PALM2AKAP2: variants seen among roughly 807,000 people sequenced by gnomAD.
PALM2AKAP2 encodes PALM2-AKAP2 fusion protein.
A neutral mutation model predicts 71.5 loss-of-function variants in PALM2AKAP2; 37 were observed. The ratio of observed to expected loss-of-function variants is 0.52; its 90% CI spans 0.40 to 0.68. The LOEUF is 0.68. Among genes scored for constraint, PALM2AKAP2 ranks in the 30% least tolerant of loss-of-function variants. The pLI, the probability that PALM2AKAP2 is intolerant of heterozygous loss-of-function variation, is 0.00. For missense variants in PALM2AKAP2, 1,224 were observed against 1,191.8 expected (o/e 1.03, Z -0.40); for synonymous variants, 468 against 478.8 (o/e 0.98, Z 0.29).
chr9:110,049,163 C>T (rs969621080), intron 1 of PALM2AKAP2, among the ~76,000 whole-genome samples: 23 of 152,144 alleles, frequency 1.5e-4, no homozygotes, highest in African/African-American at 5.1e-4. Flanking sequence ...CCGCTTCTCC[C>T]TGTATACACA....
chr9:110,025,898 C>G (rs949113043), intron 7 of PALM2AKAP2, among the ~76,000 whole-genome samples: 2 of 152,066 alleles, frequency 1.3e-5, no homozygotes, highest in African/African-American at 4.8e-5. Context: ...TTGAAGCACT[C>G]TCTCATTGCA....
intron 1 of PALM2AKAP2, among the ~76,000 whole-genome samples, chr9:110,065,734 G>A (rs551141301): frequency 4.2e-4 from 64 of 152,144 alleles, no homozygotes; most frequent in African/African-American, 1.2e-3. Context: ...CCAGCTCTTG[G>A]CAACCACCAT....
At chr9:109,756,631 G>T (rs1419963062) in intron 1 of PALM2AKAP2, among the ~76,000 whole-genome samples, 4 of 152,128 alleles carry the variant, frequency 2.6e-5, no homozygotes, top group Non-Finnish European at 4.4e-5. Flanking sequence ...AATCCATGTG[G>T]AGTTTATCTG....
At chr9:110,017,886 C>T (rs1480914846) in intron 7 of PALM2AKAP2, among the ~76,000 whole-genome samples, 1 of 152,078 alleles carries the variant, frequency 6.6e-6, no homozygotes, top group African/African-American at 2.4e-5. Context: ...GGACACAATG[C>T]CCGGCTAGTT....
chr9:109,953,600 G>A (rs1219383780), intron 6 of PALM2AKAP2, among the ~76,000 whole-genome samples: 1 of 152,144 alleles, frequency 6.6e-6, no homozygotes, highest in Non-Finnish European at 1.5e-5. Flanking sequence ...CACTTTGGGA[G>A]GCTGAGGCAG....
In PALM2AKAP2 at chr9:109,850,069, G is replaced by C. The variant is rs77848105; in HGVS notation, c.46-17422G>C. ...GGTTTCACGGGCCCTCAGTAGAACTGATTTCCTCTCCTTGTCTCAGGTTGT... is the reference window on the plus strand; with the variant it reads ...GGTTTCACGGGCCCTCAGTAGAACTCATTTCCTCTCCTTGTCTCAGGTTGT... On this transcript the variant is annotated intron_variant, in intron 1 of 9. Coordinates refer to the PALM2AKAP2 transcript ENST00000302798. 9.6e-3 allele frequency among the ~76,000 whole-genome samples: 1,460 copies of C among 152,282 alleles called. 22 individuals carry two copies. Among genetic ancestry groups the C allele is most frequent in the African/African-American group, 0.034 (1,394 of 41,566 alleles).
chr9:110,071,587 ACTC>A (rs1311549522), intron 1 of PALM2AKAP2, among the ~76,000 whole-genome samples: 7 of 151,430 alleles, frequency 4.6e-5, no homozygotes, highest in African/African-American at 1.7e-4. Context: ...GTCCTCTGTA[ACTC>A]CTCCTTCTTT....
chr9:110,154,545 G>A (rs557694020), intron 2 of PALM2AKAP2, among the ~76,000 whole-genome samples: 1 of 152,294 alleles, frequency 6.6e-6, no homozygotes, highest in African/African-American at 2.4e-5. Flanking sequence ...TACTCTGGGT[G>A]ATGTTTATAA....
At chr9:109,647,379 GT>G (rs1165310067) in intron 1 of PALM2AKAP2, among the ~76,000 whole-genome samples, 6 of 152,100 alleles carry the variant, frequency 3.9e-5, no homozygotes, top group African/African-American at 1.2e-4. Flanking sequence ...AGTTAGACTT[GT>G]TTCCACTTTT....
At chr9:110,100,109 A>T (rs1229934318) in intron 1 of PALM2AKAP2, among the ~76,000 whole-genome samples, 3 of 142,382 alleles carry the variant, frequency 2.1e-5, no homozygotes, top group African/African-American at 5.1e-5. Context: ...TCAAGTTGAG[A>T]ATGGGAGAAT....
At chr9:110,077,078 T>C (rs1834339551) in intron 1 of PALM2AKAP2, among the ~76,000 whole-genome samples, 1 of 152,216 alleles carries the variant, frequency 6.6e-6, no homozygotes, top group Non-Finnish European at 1.5e-5. Flanking sequence ...GTCAGAGTTT[T>C]GGAATCAATG....
intron 1 of PALM2AKAP2, among the ~76,000 whole-genome samples, chr9:109,851,218 A>C (rs1450430142): frequency 8.4e-5 from 9 of 106,804 alleles, no homozygotes; most frequent in African/African-American, 2.9e-4. Flanking sequence ...ACAAAAAAAA[A>C]AAAACACTAC....
intron 1 of PALM2AKAP2, among the ~76,000 whole-genome samples, chr9:109,712,434 G>A (rs937227829): frequency 1.1e-4 from 16 of 152,154 alleles, no homozygotes; most frequent in Admixed American, 2.6e-4. Context: ...TATGGAATAC[G>A]TTTTCCCGGT....
rs927531454 is a variant in PALM2AKAP2, at chr9:109,925,100, C to T, written c.394+18C>T. On this transcript the variant is annotated intron_variant, in intron 5 of 9. Coordinates refer to the PALM2AKAP2 transcript ENST00000302798. ...GGATGGAGGTAAGTGCTCTCTGCCC[C>T]GACTGTAGATGAATGTTTTAATCCT... 8 of 1,614,016 alleles carry T rather than the reference C, an allele frequency of 5.0e-6. No homozygotes were observed. The highest frequency in any genetic ancestry group is 1.7e-5 in the Admixed American group (1 of 60,002).
chr9:109,739,720 A>G (rs1417518894), intron 1 of PALM2AKAP2, among the ~76,000 whole-genome samples: 1 of 152,188 alleles, frequency 6.6e-6, no homozygotes, highest in Non-Finnish European at 1.5e-5. Flanking sequence ...CACTTTCAAT[A>G]ATAACTTTGA....
chr9:109,755,396 C>T (rs569275897), intron 1 of PALM2AKAP2, among the ~76,000 whole-genome samples: 1 of 152,230 alleles, frequency 6.6e-6, no homozygotes, highest in East Asian at 1.9e-4. Context: ...CAGCTGGTTA[C>T]CATCCTAGAC....
At chr9:110,102,468 G>T (rs1835022122) in intron 1 of PALM2AKAP2, among the ~76,000 whole-genome samples, 1 of 152,142 alleles carries the variant, frequency 6.6e-6, no homozygotes, top group African/African-American at 2.4e-5. Context: ...TCCAGAGCTG[G>T]ATTTTGAAAG....
At chr9:109,822,927 C>A (rs7036842) in intron 1 of PALM2AKAP2, among the ~76,000 whole-genome samples, 4,378 of 152,194 alleles carry the variant, frequency 0.029, 206 homozygotes, top group African/African-American at 0.1. Flanking sequence ...GTTTTAAGTT[C>A]TTTGAGAAAT....
intron 1 of PALM2AKAP2, among the ~76,000 whole-genome samples, chr9:109,770,176 C>T (rs1224542095): frequency 6.6e-6 from 1 of 151,132 alleles, no homozygotes; most frequent in East Asian, 1.9e-4. Context: ...CTCTTCCATT[C>T]ATACCCAAAA....
Sources: gnomAD v4.1 joint callset for allele counts (sites outside exome capture counted in the v4.1 genomes callset) on GRCh38, gnomAD v4.1.1 for gene constraint, MANE v1.5 for transcripts, NCBI Gene and HGNC (gene_info 2026-07-23, HGNC 2026-07-21) for gene names.